STK32A: variants seen among roughly 807,000 people sequenced by gnomAD.
The protein encoded by STK32A is serine/threonine kinase 32A.
In STK32A, 41 loss-of-function variants were observed where a neutral mutation model predicts 53.2. That is an observed-to-expected ratio of 0.77 (90% CI 0.60 to 1.00). The LOEUF (loss-of-function observed/expected upper bound fraction) is 1.00. STK32A is among the 50% of genes least tolerant of loss of function. The probability of loss-of-function intolerance (pLI) is 0.00; values close to 1 mark genes in which losing one functional copy is unlikely to be tolerated. For missense variants in STK32A, 458 were observed against 485.8 expected (o/e 0.94, Z 0.54); for synonymous variants, 166 against 162.8 (o/e 1.02, Z -0.15).
At position 147,361,618 on chromosome 5, in the gene STK32A, C is replaced by A; in HGVS notation, c.660+4C>A. The A allele has an allele frequency of 6.3e-7, 1 of 1,592,008 alleles. No homozygotes were observed. Among genetic ancestry groups the A allele is most frequent in the Non-Finnish European group, 8.6e-7 (1 of 1,160,988 alleles). ...ATATGAACTGCTGAGAGGCCGGGTA[C>A]TGTAGTAGCATTTCCTCTTTGGTTA... is the stretch of plus-strand genomic sequence containing the variant. On this transcript the variant is annotated splice_donor_region_variant and intron_variant, in intron 8 of 12. Coordinates refer to ENST00000397936, the MANE Select transcript of STK32A (RefSeq NM_001112724.2).
chr5:147,317,323 CTTTT>C (rs3064294), intron 4 of STK32A, among the ~76,000 whole-genome samples: 1 of 81,310 alleles, frequency 1.2e-5, no homozygotes, highest in Non-Finnish European at 2.1e-5. Flanking sequence ...CTTTTTCTTT[CTTTT>C]TTTTTTTTTT....
At chr5:147,294,928 C>G (rs1752797411) in intron 4 of STK32A, among the ~76,000 whole-genome samples, 1 of 152,128 alleles carries the variant, frequency 6.6e-6, no homozygotes, top group Non-Finnish European at 1.5e-5. Flanking sequence ...CATGATCTGC[C>G]CGCCTCGGCC....
intron 11 of STK32A, among the ~76,000 whole-genome samples, chr5:147,379,926 C>G (rs1757387082): frequency 6.6e-6 from 1 of 152,078 alleles, no homozygotes; most frequent in South Asian, 2.1e-4. Flanking sequence ...ATTTCATATT[C>G]TCTTTATGGC....
At chr5:147,262,592 A>G (rs1028981656) in intron 2 of STK32A, among the ~76,000 whole-genome samples, 3 of 151,034 alleles carry the variant, frequency 2.0e-5, no homozygotes, top group Non-Finnish European at 4.4e-5. Flanking sequence ...TCAGGAAAAA[A>G]CAAAACAAAA....
At chr5:147,401,192 T>G in the STK32A span, among the ~76,000 whole-genome samples, 1 of 152,232 alleles carries the variant, frequency 6.6e-6, no homozygotes, top group Non-Finnish European at 1.5e-5. Context: ...TGATTTAGCT[T>G]CTCTGACCTT....
chr5:147,349,901 A>G (rs116445084), intron 6 of STK32A, among the ~76,000 whole-genome samples: 78 of 152,160 alleles, frequency 5.1e-4, no homozygotes, highest in African/African-American at 1.9e-3. Flanking sequence ...CACGAGGTCA[A>G]GAGATCGTAG....
intron 2 of STK32A, among the ~76,000 whole-genome samples, chr5:147,267,743 A>G (rs1754868576): frequency 6.6e-6 from 1 of 152,180 alleles, no homozygotes; most frequent in Non-Finnish European, 1.5e-5. Flanking sequence ...GATTGAGTCA[A>G]CATTTATATA....
rs1310643568 is a variant in STK32A, at chr5:147,375,164, A to G, written c.978A>G (p.Lys326=). 6.2e-7 allele frequency: 1 copy of G among 1,610,672 alleles called. No homozygotes were observed. The highest frequency in any genetic ancestry group is 1.3e-5 in the African/African-American group (1 of 74,838). ...TGGAGTCCAAACCTCTACATAAGAAAAAAAAGCGTCTGGCAAAGAAGGAGA... is the reference window on the plus strand; with the variant it reads ...TGGAGTCCAAACCTCTACATAAGAAGAAAAAGCGTCTGGCAAAGAAGGAGA... ...MILESKPLHK[K]KKRLAKKEKD... The change falls in exon 11 of 13, where the codon AAA becomes AAG. Residue 326 remains lysine, a synonymous_variant. Transcript: ENST00000397936.
chr5:147,370,907 C>T (rs1756980821), intron 9 of STK32A, 137 bp downstream of exon 9: 4 of 487,414 alleles, frequency 8.2e-6, no homozygotes, highest in Non-Finnish European at 1.5e-5. Flanking sequence ...TAGCTGTTAG[C>T]TTTCAAATAC....
chr5:147,264,854 A>G (rs1272289115), intron 2 of STK32A, among the ~76,000 whole-genome samples: 1 of 152,156 alleles, frequency 6.6e-6, no homozygotes, highest in Admixed American at 6.6e-5. Context: ...GGGGGTAAGT[A>G]GATCATAGGA....
intron 2 of STK32A, among the ~76,000 whole-genome samples, chr5:147,241,111 T>C (rs73326965): frequency 0.027 from 4,142 of 152,250 alleles, 174 homozygotes; most frequent in African/African-American, 0.093. Context: ...TTTGTCATGA[T>C]TGGGGACAAC....
intron 6 of STK32A, among the ~76,000 whole-genome samples, chr5:147,347,278 T>C (rs987115684): frequency 2.6e-5 from 4 of 151,106 alleles, no homozygotes; most frequent in Non-Finnish European, 5.9e-5. Flanking sequence ...CATCATAAAA[T>C]GAATTCAGAT....
At chr5:147,249,963 A>G (rs898464263) in intron 2 of STK32A, among the ~76,000 whole-genome samples, 1 of 149,798 alleles carries the variant, frequency 6.7e-6, no homozygotes, top group Non-Finnish European at 1.5e-5. Flanking sequence ...GTGAAAGATG[A>G]TAGTATCTGG....
intron 10 of STK32A, among the ~76,000 whole-genome samples, 191 bp downstream of exon 10, chr5:147,373,485 A>G (rs1757096338): frequency 6.6e-6 from 1 of 152,216 alleles, no homozygotes; most frequent in South Asian, 2.1e-4. Flanking sequence ...GCTAGCAAGT[A>G]GTCAAGCTGG....
rs529889623 is a variant in STK32A, at chr5:147,369,846, G to C, written c.661-808G>C. 9.3e-4 allele frequency among the ~76,000 whole-genome samples: 141 copies of C among 152,182 alleles called. 1 individual carries two copies. Among genetic ancestry groups the C allele is most frequent in the African/African-American group, 3.1e-3 (127 of 41,528 alleles). On this transcript the variant is annotated intron_variant, in intron 8 of 12. Transcript: ENST00000397936. ...ACTGAATGCTTGGTCTCATGAACAAGAATGATATAATCTCTGGCTGTGAGT... is the reference window on the plus strand; with the variant it reads ...ACTGAATGCTTGGTCTCATGAACAACAATGATATAATCTCTGGCTGTGAGT...
chr5:147,237,744 A>G (rs1753384915), intron 1 of STK32A, among the ~76,000 whole-genome samples: 1 of 152,190 alleles, frequency 6.6e-6, no homozygotes, highest in Admixed American at 6.5e-5. Context: ...GTTGGTTTTT[A>G]GTATGAAAAG....
At chr5:147,235,246 A>T (rs1298570970) in intron 1 of STK32A, 47 bp downstream of exon 1, 3 of 152,312 alleles carry the variant, frequency 2.0e-5, no homozygotes, top group Non-Finnish European at 2.9e-5. Context: ...AAACCTGCAT[A>T]CTAAGGGTAC....
chr5:147,263,535 C>CAAAA (rs1301084811), intron 2 of STK32A, among the ~76,000 whole-genome samples: 2 of 151,790 alleles, frequency 1.3e-5, no homozygotes, highest in Non-Finnish European at 2.9e-5. Context: ...AATAACCAGA[C>CAAAA]AAAAAACAAA....
At chr5:147,371,150 C>A (rs1458488229) in intron 9 of STK32A, among the ~76,000 whole-genome samples, 1 of 152,062 alleles carries the variant, frequency 6.6e-6, no homozygotes, top group Non-Finnish European at 1.5e-5. Context: ...TAAAATATTT[C>A]ACTTCTCTCT....
Sources: gnomAD v4.1 joint callset for allele counts (sites outside exome capture counted in the v4.1 genomes callset) on GRCh38, gnomAD v4.1.1 for gene constraint, MANE v1.5 for transcripts, NCBI Gene and HGNC (gene_info 2026-07-23, HGNC 2026-07-21) for gene names.